SCN9A: variants seen among roughly 807,000 people sequenced by gnomAD.
SCN9A encodes the protein sodium voltage-gated channel alpha subunit 9.
Under a neutral mutation model 187.0 loss-of-function variants are expected in SCN9A, and 131 were observed. The ratio of observed to expected loss-of-function variants is 0.70; its 90% confidence interval spans 0.61 to 0.81. SCN9A has a LOEUF of 0.81. Among genes scored for constraint, SCN9A ranks in the 30% least tolerant of loss-of-function variants. The pLI, the probability that SCN9A is intolerant of heterozygous loss-of-function variation, is 0.00. For synonymous variants in SCN9A, 809 were observed against 808.6 expected (o/e 1.00, Z -0.01); for missense variants, 2,252 against 2,396.6 (o/e 0.94, Z 1.26).
At chr2:166,333,855 C>T (rs1312552300) in intron 1 of SCN9A, among the ~76,000 whole-genome samples, 2 of 151,934 alleles carry the variant, frequency 1.3e-5, no homozygotes, top group East Asian at 1.9e-4. Context: ...CACTTCAATA[C>T]GGACTTTTTC....
At chr2:166,304,746 G>A (rs1698697275) in intron 5 of SCN9A, among the ~76,000 whole-genome samples, 1 of 152,062 alleles carries the variant, frequency 6.6e-6, no homozygotes, top group Non-Finnish European at 1.5e-5. Flanking sequence ...TAGATGAGTG[G>A]TTTCCAAGGG....
intron 21 of SCN9A, among the ~76,000 whole-genome samples, chr2:166,232,427 A>C (rs1695123473): frequency 6.6e-6 from 1 of 152,162 alleles, no homozygotes; most frequent in Non-Finnish European, 1.5e-5. Context: ...GGTGAAATTA[A>C]ATGTGATGGC....
At chr2:166,247,302 A>G (rs1204598115) in intron 18 of SCN9A, among the ~76,000 whole-genome samples, 1 of 151,832 alleles carries the variant, frequency 6.6e-6, no homozygotes, top group Non-Finnish European at 1.5e-5. Context: ...TTTTTTCACC[A>G]TTTCTTAACA....
intron 10 of SCN9A, among the ~76,000 whole-genome samples, chr2:166,288,116 T>TACACACAC (rs1465117432): frequency 2.0e-5 from 2 of 98,874 alleles, no homozygotes; most frequent in South Asian, 2.9e-4. Context: ...TATATATATA[T>TACACACAC]ATATACACAC....
At chr2:166,337,529 G>A (rs1459772449) in intron 1 of SCN9A, among the ~76,000 whole-genome samples, 4 of 152,056 alleles carry the variant, frequency 2.6e-5, no homozygotes, top group Admixed American at 6.6e-5. Context: ...TAAGAAAGAC[G>A]TGTACATAAA....
At chr2:166,317,228 C>T (rs1306290232) in intron 1 of SCN9A, among the ~76,000 whole-genome samples, 1 of 151,620 alleles carries the variant, frequency 6.6e-6, no homozygotes, top group African/African-American at 2.4e-5. Flanking sequence ...AGAAAATATA[C>T]TTTGAAAAAA....
chr2:166,276,891 A>T, intron 16 of SCN9A, 92 bp downstream of exon 16: 1 of 927,072 alleles, frequency 1.1e-6, no homozygotes, highest in Non-Finnish European at 1.5e-6. Flanking sequence ...TTGTAGATAT[A>T]ATTAATTATA....
At position 166,286,967 on chromosome 2, in the gene SCN9A, T is replaced by G. The variant is rs564453073; in HGVS notation, c.1315-344A>C. Among the ~76,000 whole-genome samples, 16 of 152,296 alleles carry G rather than the reference T, an allele frequency of 1.1e-4. No individual in the cohort carries two copies. In the South Asian group the frequency reaches 3.3e-3, roughly 32 times the overall value. On this transcript the variant is annotated intron_variant, in intron 10 of 26. Coordinates refer to ENST00000642356, the MANE Select transcript of SCN9A (RefSeq NM_001365536.1). ...AAACCATGCAATAAGACAGACAATT[T>G]GATTATCAGGCAATTAACTCCATAT... is the stretch of plus-strand genomic sequence containing the variant.
intron 21 of SCN9A, among the ~76,000 whole-genome samples, chr2:166,229,534 C>CT (rs1558966654): frequency 1.3e-5 from 2 of 151,818 alleles, no homozygotes; most frequent in East Asian, 1.9e-4. Flanking sequence ...TTCTTATTCT[C>CT]TTTTTTTGAG....
intron 24 of SCN9A, among the ~76,000 whole-genome samples, chr2:166,207,388 C>G (rs1693857496): frequency 6.6e-6 from 1 of 151,904 alleles, no homozygotes; most frequent in East Asian, 1.9e-4. Context: ...TCATCAAACA[C>G]CTAATGGTAA....
chr2:166,281,822 C>T lies in SCN9A; in HGVS notation c.1975-14G>A, dbSNP rs1040543260. 5 of 1,593,212 alleles carry T rather than the reference C, an allele frequency of 3.1e-6. No homozygotes were observed. The highest frequency in any genetic ancestry group is 4.3e-6 in the Non-Finnish European group (5 of 1,169,186). ...ATTGGTCGTGCCCTAAAAAAAAAAT[C>T]AATTAATGTCTTAAGAACAGAATCC... On this transcript the variant is annotated splice_polypyrimidine_tract_variant and intron_variant, in intron 12 of 26. Transcript: ENST00000642356.
intron 24 of SCN9A, among the ~76,000 whole-genome samples, chr2:166,219,419 G>C (rs1694484139): frequency 6.6e-6 from 1 of 152,110 alleles, no homozygotes; most frequent in Non-Finnish European, 1.5e-5. Flanking sequence ...ATCCTTTGCA[G>C]GGACATGAAT....
chr2:166,252,203 A>T (rs1329356335), intron 17 of SCN9A, among the ~76,000 whole-genome samples: 5 of 151,978 alleles, frequency 3.3e-5, no homozygotes, highest in Admixed American at 6.6e-5. Context: ...ACCACATCTT[A>T]TTTTTTAAAT....
rs76244722 is a variant in SCN9A, at chr2:166,338,921, G to C, written c.-50-27115C>G. Among the ~76,000 whole-genome samples, 538 of 151,406 alleles carry C rather than the reference G, an allele frequency of 3.6e-3. 14 individuals are homozygous for C. In the East Asian group the frequency reaches 0.068, roughly 19 times the overall value. Reference sequence around the variant, plus strand: ...AGAGCCAGGATTTGAACTAAGATCTGTTACTCCCCAGGCCAGTATAGAAAA... The same window carrying C: ...AGAGCCAGGATTTGAACTAAGATCTCTTACTCCCCAGGCCAGTATAGAAAA... On this transcript the variant is annotated intron_variant, in intron 1 of 26. Transcript: ENST00000642356.
chr2:166,374,287 C>T (rs1302597815), intron 1 of SCN9A, among the ~76,000 whole-genome samples: 2 of 152,168 alleles, frequency 1.3e-5, no homozygotes, highest in East Asian at 1.9e-4. Flanking sequence ...AGGAAACCTC[C>T]TTTTAAACCT....
intron 24 of SCN9A, among the ~76,000 whole-genome samples, chr2:166,207,570 A>T (rs1693873089): frequency 6.6e-6 from 1 of 152,018 alleles, no homozygotes; most frequent in South Asian, 2.1e-4. Context: ...CCTCCCAAGT[A>T]GCTGGGATTA....
At chr2:166,349,185 A>C (rs1699974298) in intron 1 of SCN9A, among the ~76,000 whole-genome samples, 1 of 152,056 alleles carries the variant, frequency 6.6e-6, no homozygotes, top group Non-Finnish European at 1.5e-5. Flanking sequence ...ATTTGACATA[A>C]TCACCCTCCC....
At chr2:166,371,918 A>T (rs1259599214) in intron 1 of SCN9A, among the ~76,000 whole-genome samples, 1 of 152,192 alleles carries the variant, frequency 6.6e-6, no homozygotes, top group Non-Finnish European at 1.5e-5. Context: ...ATTTACCAAA[A>T]ATCTGTGGCT....
chr2:166,281,896 A>G, intron 12 of SCN9A, 88 bp from the exon 13 acceptor site: 3 of 1,177,688 alleles, frequency 2.5e-6, no homozygotes, highest in Non-Finnish European at 3.5e-6. Context: ...AGCTGTAGTG[A>G]GTAATTAAAA....
Sources: gnomAD v4.1 joint callset for allele counts (sites outside exome capture counted in the v4.1 genomes callset) on GRCh38, gnomAD v4.1.1 for gene constraint, MANE v1.5 for transcripts, NCBI Gene and HGNC (gene_info 2026-07-23, HGNC 2026-07-21) for gene names.